SMURF1: variants seen among roughly 807,000 people sequenced by gnomAD.
SMURF1 encodes E3 ubiquitin-protein ligase SMURF1.
SMURF1 carries 44 observed loss-of-function variants against 98.0 expected under a neutral mutation model. The ratio of observed to expected loss-of-function variants is 0.45; its 90% CI spans 0.35 to 0.58. The LOEUF is 0.58. SMURF1 is among the 20% of genes least tolerant of loss of function. The probability of loss-of-function intolerance (pLI) is 0.00; values close to 1 mark genes in which losing one functional copy is unlikely to be tolerated. For synonymous variants in SMURF1, 396 were observed against 374.9 expected (o/e 1.06, Z -0.65); for missense variants, 687 against 938.4 (o/e 0.73, Z 3.50).
chr7:99,116,157 T>A (rs575415529), intron 1 of SMURF1, among the ~76,000 whole-genome samples: 1 of 152,238 alleles, frequency 6.6e-6, no homozygotes, highest in Admixed American at 6.5e-5. Flanking sequence ...TAATATGCCA[T>A]GTTAATCGAA....
chr7:99,038,796 A>G (rs1795257386), intron 13 of SMURF1, among the ~76,000 whole-genome samples: 1 of 152,202 alleles, frequency 6.6e-6, no homozygotes, highest in African/African-American at 2.4e-5. Flanking sequence ...CAGGGGACCC[A>G]CAACCCAGCT....
intron 1 of SMURF1, among the ~76,000 whole-genome samples, chr7:99,117,305 G>C (rs1797479936): frequency 2.6e-5 from 4 of 152,018 alleles, no homozygotes; most frequent in African/African-American, 7.2e-5. Context: ...ATTAGGTAAT[G>C]ATTTCTTCAA....
At chr7:99,140,495 T>C (rs1798093812) in intron 1 of SMURF1, among the ~76,000 whole-genome samples, 1 of 151,920 alleles carries the variant, frequency 6.6e-6, no homozygotes, top group Admixed American at 6.6e-5. Context: ...ACTGTGTTAG[T>C]CAGGATGGTC....
intron 1 of SMURF1, among the ~76,000 whole-genome samples, chr7:99,071,021 T>C (rs957084652): frequency 2.0e-5 from 3 of 151,638 alleles, no homozygotes; most frequent in African/African-American, 7.3e-5. Flanking sequence ...ATAAAGTACA[T>C]GTCAAAAAAC....
At chr7:99,054,641 A>G in intron 6 of SMURF1, 149 bp downstream of exon 6, 2 of 678,158 alleles carry the variant, frequency 2.9e-6, no homozygotes, top group Non-Finnish European at 5.1e-6. Flanking sequence ...TTTATAGCCA[A>G]GTAAACTGGT....
At position 99,103,295 on chromosome 7, in the gene SMURF1, C is replaced by T. The variant is rs114702402; in HGVS notation, c.55+40431G>A. Reference sequence around the variant, plus strand: ...ACGCCTGTGTTCATACACATGTGGCCCTTTTCCTAAGCCTCCTGTGAAATC... The same window carrying T: ...ACGCCTGTGTTCATACACATGTGGCTCTTTTCCTAAGCCTCCTGTGAAATC... On this transcript the variant is annotated intron_variant, in intron 1 of 17. Transcript: ENST00000361368. 1.1e-3 allele frequency among the ~76,000 whole-genome samples: 175 copies of T among 152,186 alleles called. 2 individuals carry two copies. Among genetic ancestry groups the T allele is most frequent in the African/African-American group, 4.0e-3 (165 of 41,506 alleles).
At chr7:99,034,556 A>C (rs1187681429) in intron 16 of SMURF1, among the ~76,000 whole-genome samples, 1 of 151,712 alleles carries the variant, frequency 6.6e-6, no homozygotes, top group Non-Finnish European at 1.5e-5. Flanking sequence ...CGGCTTCCTC[A>C]TCCATGGAAT....
At chr7:99,112,672 G>T (rs1797349944) in intron 1 of SMURF1, among the ~76,000 whole-genome samples, 1 of 152,076 alleles carries the variant, frequency 6.6e-6, no homozygotes, top group African/African-American at 2.4e-5. Flanking sequence ...CTAGTCACTG[G>T]ACTTACTAGA....
chr7:99,042,919 T>C (rs750468322), intron 11 of SMURF1, among the ~76,000 whole-genome samples: 1 of 152,110 alleles, frequency 6.6e-6, no homozygotes, highest in African/African-American at 2.4e-5. Flanking sequence ...ATCGTGAGAA[T>C]ACACAAAAAA....
intron 1 of SMURF1, among the ~76,000 whole-genome samples, chr7:99,126,517 G>A (rs12705026): frequency 0.17 from 26,545 of 151,914 alleles, 2,597 homozygotes; most frequent in African/African-American, 0.26. Context: ...TCAGCCGGGC[G>A]TGGTGGCATG....
intron 5 of SMURF1, 64 bp from the exon 6 acceptor site, chr7:99,054,929 A>T: frequency 7.1e-7 from 1 of 1,400,896 alleles, no homozygotes; most frequent in Non-Finnish European, 1.0e-6. Context: ...TAATACAGTG[A>T]GTCATTGCTA....
intron 1 of SMURF1, among the ~76,000 whole-genome samples, chr7:99,074,240 G>A (rs999321452): frequency 5.3e-5 from 8 of 152,202 alleles, no homozygotes; most frequent in African/African-American, 1.9e-4. Context: ...TGGGGAACTG[G>A]CCATGCTCTA....
At chr7:99,076,266 A>AG (rs765226985) in intron 1 of SMURF1, among the ~76,000 whole-genome samples, 109 of 152,328 alleles carry the variant, frequency 7.2e-4, no homozygotes, top group Non-Finnish European at 1.4e-3. Flanking sequence ...GTATGGAAAG[A>AG]GAGGAAAAAA....
chr7:99,098,576 G>A (rs946183577), intron 1 of SMURF1, among the ~76,000 whole-genome samples: 3 of 151,954 alleles, frequency 2.0e-5, no homozygotes, highest in South Asian at 2.1e-4. Context: ...CCTTAGCTCC[G>A]TATTCACAAG....
At chr7:99,040,797 C>T (rs1795346925) in intron 12 of SMURF1, among the ~76,000 whole-genome samples, 1 of 152,216 alleles carries the variant, frequency 6.6e-6, no homozygotes. Context: ...TCAGAAGGGC[C>T]ATATAACTGG....
intron 1 of SMURF1, among the ~76,000 whole-genome samples, chr7:99,069,356 CCATT>C (rs1364479204): frequency 3.3e-5 from 5 of 152,160 alleles, no homozygotes; most frequent in Middle Eastern, 3.2e-3. Context: ...ATCCATCCAT[CCATT>C]CATTCATTCA....
chr7:99,050,823 T>C, intron 8 of SMURF1: 1 of 871,514 alleles, frequency 1.1e-6, no homozygotes, highest in Non-Finnish European at 1.7e-6. Context: ...AAAAATCATA[T>C]TAGGTAGTAA....
intron 1 of SMURF1, among the ~76,000 whole-genome samples, chr7:99,063,244 TATATATATA>T (rs1796086584): frequency 0.03 from 430 of 14,448 alleles, 31 homozygotes; most frequent in East Asian, 0.047. Context: ...GATTTATTTA[TATATATATA>T]TATATATATA....
At position 99,144,034 on chromosome 7, in the gene SMURF1, G is replaced by GCCTCCT. The variant is rs1798216956; in HGVS notation, c.-255_-254insAGGAGG. The GCCTCCT allele has an allele frequency of 4.0e-6, 1 of 247,360 alleles. No homozygotes were observed. The highest frequency in any genetic ancestry group is 2.3e-5 in the African/African-American group (1 of 43,296). The allele number at this position is 247,360 out of a possible 1,614,324, so 15.3% of individuals were successfully genotyped here. ...GTCCCGAGCCGCCGCCGCCTCCGCC[G>GCCTCCT]CCGCCTCCGCCGCCTCCACCACCTC... On this transcript the variant is annotated 5_prime_UTR_variant, in exon 1 of 18. Coordinates refer to ENST00000361368, the MANE Select transcript of SMURF1 (RefSeq NM_181349.3).
Sources: allele counts gnomAD v4.1 joint callset (sites outside exome capture counted in the v4.1 genomes callset), GRCh38; gene constraint gnomAD v4.1.1; transcripts MANE v1.5; gene names NCBI Gene and HGNC (gene_info 2026-07-23, HGNC 2026-07-21).